Variants in ZMAT4 observed in about 807,000 individuals in gnomAD.
ZMAT4 encodes the protein zinc finger matrin-type protein 4.
ZMAT4 carries 17 observed loss-of-function variants against 28.7 expected under a neutral mutation model. The ratio of observed to expected loss-of-function variants is 0.59; its 90% CI spans 0.41 to 0.89. The LOEUF is 0.89. Ranked by LOEUF, ZMAT4 falls within the 40% of genes least tolerant of loss-of-function variation. The pLI is 0.00. For missense variants in ZMAT4, 240 were observed against 283.8 expected (o/e 0.85, Z 1.11); for synonymous variants, 117 against 109.2 (o/e 1.07, Z -0.44).
In ZMAT4 at chr8:40,801,341, T is replaced by TA. The variant is rs201742506; in HGVS notation, c.102+24233dup. ...GGTGTCTTTCAGATGATACTTTCTTTAAAAAAAAAAATATATATATATATA... is the reference window on the plus strand; with the variant it reads ...GGTGTCTTTCAGATGATACTTTCTTTAAAAAAAAAAAATATATATATATATA... On this transcript the variant is annotated intron_variant, in intron 2 of 6. Coordinates refer to ENST00000297737, the MANE Select transcript of ZMAT4 (RefSeq NM_024645.3). 3.4e-3 allele frequency among the ~76,000 whole-genome samples: 384 copies of TA among 114,588 alleles called. 4 individuals carry two copies. Among genetic ancestry groups the TA allele is most frequent in the Middle Eastern group, 0.019 (4 of 216 alleles). 75.2% of individuals were successfully genotyped at this position (114,588 alleles called of 152,430 possible).
chr8:40,532,714 T>C (rs2118342466), intron 6 of ZMAT4, among the ~76,000 whole-genome samples: 1 of 152,140 alleles, frequency 6.6e-6, no homozygotes, highest in Non-Finnish European at 1.5e-5. Flanking sequence ...AAATTGTTTC[T>C]GGGCCAGGTG....
intron 4 of ZMAT4, chr8:40,696,889 A>AT (rs771926267): frequency 2.9e-5 from 5 of 170,780 alleles, no homozygotes; most frequent in Non-Finnish European, 6.2e-5. Context: ...CACATGACAC[A>AT]GCATGCATGA....
intron 2 of ZMAT4, among the ~76,000 whole-genome samples, chr8:40,790,741 T>G (rs761756998): frequency 2.0e-5 from 3 of 152,220 alleles, no homozygotes; most frequent in Admixed American, 6.5e-5. Context: ...GCAATTCCAA[T>G]GAAAACCTCT....
chr8:40,791,819 G>T (rs1223765058), intron 2 of ZMAT4, among the ~76,000 whole-genome samples: 2 of 152,198 alleles, frequency 1.3e-5, no homozygotes, highest in East Asian at 1.9e-4. Context: ...CACAGACAAG[G>T]AAGCTATAGG....
chr8:40,860,864 C>T (rs1379200580), intron 1 of ZMAT4, among the ~76,000 whole-genome samples: 2 of 152,186 alleles, frequency 1.3e-5, no homozygotes, highest in African/African-American at 4.8e-5. Context: ...GGGGAAGCAC[C>T]TGGCCCTATG....
chr8:40,798,458 G>A (rs184023912), intron 2 of ZMAT4, among the ~76,000 whole-genome samples: 8 of 152,286 alleles, frequency 5.3e-5, no homozygotes, highest in East Asian at 3.9e-4. Flanking sequence ...GAGAAAAGAC[G>A]TTGCTGAAAA....
At chr8:40,660,687 G>A (rs1808148491) in intron 5 of ZMAT4, among the ~76,000 whole-genome samples, 1 of 152,158 alleles carries the variant, frequency 6.6e-6, no homozygotes, top group South Asian at 2.1e-4. Flanking sequence ...GACATCTGCT[G>A]TTTCCTCCCT....
intron 6 of ZMAT4, among the ~76,000 whole-genome samples, chr8:40,545,207 A>T (rs116958509): frequency 7.6e-4 from 116 of 152,156 alleles, no homozygotes; most frequent in Non-Finnish European, 1.4e-3. Context: ...ACTCCCCCCT[A>T]GTTGAGCCTT....
At chr8:40,599,904 C>G (rs1272338368) in intron 5 of ZMAT4, among the ~76,000 whole-genome samples, 1 of 152,216 alleles carries the variant, frequency 6.6e-6, no homozygotes, top group Non-Finnish European at 1.5e-5. Context: ...GCCTGAGTCA[C>G]CCTTTGGGTT....
At chr8:40,779,480 G>A (rs1439992583) in intron 2 of ZMAT4, among the ~76,000 whole-genome samples, 1 of 152,026 alleles carries the variant, frequency 6.6e-6, no homozygotes, top group Non-Finnish European at 1.5e-5. Context: ...GTGAGGGCAC[G>A]CAAAGCACCC....
intron 5 of ZMAT4, among the ~76,000 whole-genome samples, chr8:40,669,304 G>C (rs1808571385): frequency 6.6e-6 from 1 of 151,912 alleles, no homozygotes; most frequent in South Asian, 2.1e-4. Flanking sequence ...TTATGACATG[G>C]GCCCTTATAT....
At chr8:40,693,972 A>G (rs1809765264) in intron 4 of ZMAT4, among the ~76,000 whole-genome samples, 1 of 152,214 alleles carries the variant, frequency 6.6e-6, no homozygotes, top group South Asian at 2.1e-4. Flanking sequence ...ACCCCAGTTC[A>G]AGAGCCTGTT....
At chr8:40,571,369 A>G (rs962913486) in intron 6 of ZMAT4, among the ~76,000 whole-genome samples, 6 of 152,182 alleles carry the variant, frequency 3.9e-5, no homozygotes, top group Admixed American at 6.5e-5. Flanking sequence ...ATACATATAC[A>G]GTCTTTTTCG....
rs541998206 is a variant in ZMAT4, at chr8:40,677,945, A to G, written c.350-3014T>C. ...CAGTAATTTCAACATTAAACTCACC[A>G]GGCTTTAAAAGTTTCTGTGTCCAGA... On this transcript the variant is annotated intron_variant, in intron 4 of 6. Coordinates refer to ENST00000297737, the MANE Select transcript of ZMAT4 (RefSeq NM_024645.3). 4.5e-4 allele frequency among the ~76,000 whole-genome samples: 68 copies of G among 152,314 alleles called. 1 individual carries two copies. The South Asian group carries it at 0.014, about 31-fold the overall frequency.
rs554010440 is a variant in ZMAT4, at chr8:40,845,559, G to GA, written c.-4-19880dup. On this transcript the variant is annotated intron_variant, in intron 1 of 6. Coordinates refer to ENST00000297737, the MANE Select transcript of ZMAT4 (RefSeq NM_024645.3). ...AATAGGCAGATTATAGCAGCCTTCT[G>GA]AAAAAAAAAATAACAGTGTCCTGTA... is the stretch of plus-strand genomic sequence containing the variant. Among the ~76,000 whole-genome samples the GA allele has an allele frequency of 1.6e-3, 237 of 148,190 alleles. 2 individuals carry two copies. Among genetic ancestry groups the GA allele is most frequent in the African/African-American group, 4.7e-3 (190 of 40,476 alleles).
rs1404492759 is a variant in ZMAT4, at chr8:40,881,501, G to GAAA, written c.-5+16181_-5+16182insTTT. 1.4e-4 allele frequency among the ~76,000 whole-genome samples: 13 copies of GAAA among 95,434 alleles called. No individual in the cohort carries two copies. The South Asian group carries it at 3.9e-3, about 29-fold the overall frequency. 62.6% of individuals were successfully genotyped at this position (95,434 alleles called of 152,430 possible). A position where few individuals can be genotyped will look rare whatever the true frequency, so the allele number is the denominator to read the frequency against. On this transcript the variant is annotated intron_variant, in intron 1 of 6. Coordinates refer to ENST00000297737, the MANE Select transcript of ZMAT4 (RefSeq NM_024645.3). ...AAAGAAAGAAAGAAAGAAAGAAAGA[G>GAAA]GAAGGAAGGAAGGGGAGAGAGAGAG...
chr8:40,645,676 T>C (rs1208980388), intron 5 of ZMAT4, among the ~76,000 whole-genome samples: 1 of 152,182 alleles, frequency 6.6e-6, no homozygotes, highest in Admixed American at 6.5e-5. Context: ...CAAGTTTGGA[T>C]GTAACATCTC....
chr8:40,538,689 T>G (rs2118368976), intron 6 of ZMAT4, among the ~76,000 whole-genome samples: 1 of 152,240 alleles, frequency 6.6e-6, no homozygotes, highest in East Asian at 1.9e-4. Flanking sequence ...AGCTCCTGCA[T>G]TCTCTCCCCT....
intron 5 of ZMAT4, among the ~76,000 whole-genome samples, chr8:40,657,664 T>G (rs1823644): frequency 6.6e-6 from 1 of 152,182 alleles, no homozygotes; most frequent in South Asian, 2.1e-4. Context: ...TGTCAATATG[T>G]TCTTAGAAAT....
Sources: allele counts gnomAD v4.1 joint callset (sites outside exome capture counted in the v4.1 genomes callset), GRCh38; gene constraint gnomAD v4.1.1; transcripts MANE v1.5; gene names NCBI Gene and HGNC (gene_info 2026-07-23, HGNC 2026-07-21).